Variants in PLB1 observed in about 807,000 individuals in gnomAD.
The protein encoded by PLB1 is phospholipase B1, membrane-associated.
PLB1 carries 242 observed loss-of-function variants against 227.4 expected under a neutral mutation model. The ratio of observed to expected loss-of-function variants is 1.06; its 90% CI spans 0.96 to 1.18. The LOEUF is 1.18. Ranked by LOEUF, PLB1 falls within the 50% of genes most tolerant of loss-of-function variation. The pLI, the probability that PLB1 is intolerant of heterozygous loss-of-function variation, is 0.00. For missense variants in PLB1, 1,858 were observed against 1,816.3 expected, an observed-to-expected ratio of 1.02 and a Z score of -0.42; for synonymous variants, 757 against 682.2, an observed-to-expected ratio of 1.11 and a Z score of -1.71.
rs150927025 is a variant in PLB1, at chr2:28,640,943, G to A, written c.4115G>A (p.Arg1372His). The A allele has an allele frequency of 6.8e-4, 1,097 of 1,613,610 alleles. 10 individuals are homozygous for A. In the African/African-American group the frequency reaches 0.013, roughly 19 times the overall value. ...TCTCTCCAGCTGGAACCAGTGGGCC[G>A]CAAGACTACCTCCAACAACTTCACC... Reference protein sequence around the residue: ...LWNNMLEPVGRKTTSNNFTHS... With the variant: ...LWNNMLEPVGHKTTSNNFTHS... The change falls in exon 57 of 58, where the codon CGC (arginine) becomes CAC (histidine). Residue 1372 changes from arginine to histidine, a missense_variant. Arg to His is a conservative substitution (Grantham distance 29). Coordinates refer to ENST00000327757, the MANE Select transcript of PLB1 (RefSeq NM_153021.5).
chr2:28,609,897 T>G (rs1041487125), intron 43 of PLB1, among the ~76,000 whole-genome samples: 1 of 152,074 alleles, frequency 6.6e-6, no homozygotes, highest in Non-Finnish European at 1.5e-5. Context: ...GGGCTCAGAT[T>G]CTCATCACTT....
chr2:28,510,207 A>G (rs1668072653), intron 1 of PLB1, among the ~76,000 whole-genome samples: 1 of 152,208 alleles, frequency 6.6e-6, no homozygotes, highest in African/African-American at 2.4e-5. Context: ...ACATGCATTT[A>G]ATCCTCACGC....
chr2:28,589,862 G>C, intron 28 of PLB1, 92 bp downstream of exon 28: 1 of 1,394,318 alleles, frequency 7.2e-7, no homozygotes, highest in Non-Finnish European at 1.0e-6. Context: ...CATCGTGCAG[G>C]CCATGTGATT....
At chr2:28,556,675 C>T (rs553143541) in intron 17 of PLB1, among the ~76,000 whole-genome samples, 11 of 152,018 alleles carry the variant, frequency 7.2e-5, no homozygotes, top group Non-Finnish European at 1.6e-4. Context: ...AAAAGAGTGA[C>T]AATGAGGAGT....
chr2:28,566,794 A>G lies in PLB1; in HGVS notation c.1281-2A>G. On this transcript the variant is annotated splice_acceptor_variant, in intron 19 of 57. Transcript: ENST00000327757. LOFTEE classifies it high-confidence loss of function. The stretch of plus-strand genomic sequence containing the variant: ...ATTTTCTTTCTTGGACCCACGTTAC[A>G]GCGTCGGCGGAGATGAGAACATCGG... The G allele has an allele frequency of 6.2e-7, 1 of 1,614,034 alleles. No homozygotes were observed. Among genetic ancestry groups the G allele is most frequent in the Non-Finnish European group, 8.5e-7 (1 of 1,179,982 alleles).
intron 1 of PLB1, among the ~76,000 whole-genome samples, chr2:28,514,189 GAA>G (rs1032610272): frequency 1.1e-4 from 16 of 152,130 alleles, no homozygotes; most frequent in African/African-American, 3.9e-4. Context: ...ATCATTTGTT[GAA>G]AAGACTGTCT....
chr2:28,583,078 C>T (rs951264947), intron 25 of PLB1, among the ~76,000 whole-genome samples: 2 of 152,174 alleles, frequency 1.3e-5, no homozygotes, highest in African/African-American at 4.8e-5. Context: ...CCTGAGAGGA[C>T]GTCTTCACCC....
chr2:28,641,026 A>T, intron 57 of PLB1, 25 bp downstream of exon 57: 1 of 1,606,518 alleles, frequency 6.2e-7, no homozygotes, highest in East Asian at 2.2e-5. Context: ...TGCCTGCCCC[A>T]GGTGGAACAG....
intron 1 of PLB1, among the ~76,000 whole-genome samples, chr2:28,506,756 G>A (rs1179785633): frequency 6.6e-6 from 1 of 152,152 alleles, no homozygotes; most frequent in Non-Finnish European, 1.5e-5. Context: ...GACATAAAAG[G>A]TCATGAGTCA....
At chr2:28,498,797 C>T (rs1303378537) in intron 1 of PLB1, among the ~76,000 whole-genome samples, 1 of 152,132 alleles carries the variant, frequency 6.6e-6, no homozygotes, top group Non-Finnish European at 1.5e-5. Flanking sequence ...AAGAAGTCTT[C>T]CTATTTTTGA....
rs148843580 is a variant in PLB1 at position 28,498,091 on chromosome 2, C to G, written c.55+1922C>G. ...TCTTTGTATCTTAAATAACTCCTCTCCTACCTCGAGGTCATGAAGATATCT... is the reference window on the plus strand; with the variant it reads ...TCTTTGTATCTTAAATAACTCCTCTGCTACCTCGAGGTCATGAAGATATCT... On this transcript the variant is annotated intron_variant, in intron 1 of 57. Transcript: ENST00000327757. Among the ~76,000 whole-genome samples, 991 of 151,882 alleles carry G rather than the reference C, an allele frequency of 6.5e-3. 18 individuals carry two copies. Among genetic ancestry groups the G allele is most frequent in the African/African-American group, 0.023 (946 of 41,514 alleles).
At chr2:28,500,414 C>T (rs566308065) in intron 1 of PLB1, among the ~76,000 whole-genome samples, 44 of 152,188 alleles carry the variant, frequency 2.9e-4, no homozygotes, top group Non-Finnish European at 4.9e-4. Context: ...ATAAATTATC[C>T]ATAGGGAGAT....
intron 49 of PLB1, 72 bp from the exon 50 acceptor site, chr2:28,624,985 G>A: frequency 3.5e-6 from 5 of 1,434,704 alleles, no homozygotes; most frequent in Middle Eastern, 1.8e-4. Context: ...TCTCTTCCTA[G>A]GCCAAAATCC....
Position 28,614,014 on chromosome 2 carries a change from GT to G in PLB1, c.3130-8del, listed in dbSNP as rs1553457689. The G allele has an allele frequency of 3.9e-6, 6 of 1,547,022 alleles. No individual in the cohort carries two copies. The highest frequency in any genetic ancestry group is 1.7e-4 in the Middle Eastern group (1 of 5,886). ...GTGCTGTCAGATAACTTCTCCATGTGTTTTTTTTTCTCTTAGAATGAGCCCT... is the reference window on the plus strand; with the variant it reads ...GTGCTGTCAGATAACTTCTCCATGTGTTTTTTTTCTCTTAGAATGAGCCCT... On this transcript the variant is annotated splice_polypyrimidine_tract_variant and intron_variant, in intron 43 of 57. Coordinates refer to ENST00000327757, the MANE Select transcript of PLB1 (RefSeq NM_153021.5).
chr2:28,641,876 G>T (rs917924032), intron 57 of PLB1, among the ~76,000 whole-genome samples: 5 of 152,042 alleles, frequency 3.3e-5, no homozygotes, highest in Non-Finnish European at 7.4e-5. Flanking sequence ...AAGGCTGCTT[G>T]AAATCCTTGC....
At chr2:28,518,398 A>C in intron 2 of PLB1, 68 bp from the exon 3 acceptor site, 1 of 1,229,848 alleles carries the variant, frequency 8.1e-7, no homozygotes, top group Admixed American at 1.7e-5. Flanking sequence ...TTCTACACCA[A>C]GTTTTCAGGA....
intron 54 of PLB1, 41 bp downstream of exon 54, chr2:28,630,705 G>T: frequency 6.5e-7 from 1 of 1,550,240 alleles, no homozygotes; most frequent in South Asian, 1.2e-5. Flanking sequence ...CAGCTGGGGG[G>T]CCCCCTGTAC....
At chr2:28,617,838 A>C (rs1174392026) in intron 45 of PLB1, 51 bp downstream of exon 45, 2 of 1,550,504 alleles carry the variant, frequency 1.3e-6, no homozygotes, top group African/African-American at 1.4e-5. Flanking sequence ...GCCGAATATC[A>C]GGTTGTGGGG....
intron 56 of PLB1, among the ~76,000 whole-genome samples, chr2:28,639,747 G>C (rs1361522987): frequency 6.6e-6 from 1 of 152,222 alleles, no homozygotes; most frequent in African/African-American, 2.4e-5. Flanking sequence ...TGTTACGATA[G>C]ACTTGAGTTT....
Sources: allele counts gnomAD v4.1 joint callset (sites outside exome capture counted in the v4.1 genomes callset), GRCh38; gene constraint gnomAD v4.1.1; transcripts MANE v1.5; gene names NCBI Gene and HGNC (gene_info 2026-07-23, HGNC 2026-07-21).